The following PDE3B variants were observed in gnomAD, a reference collection of about 807,000 sequenced individuals.
PDE3B encodes the protein cGMP-inhibited 3',5'-cyclic phosphodiesterase 3B.
In PDE3B, 66 loss-of-function variants were observed where a neutral mutation model predicts 116.8. The observed-to-expected ratio is 0.56, with a 90% CI of 0.46 to 0.69. The LOEUF (loss-of-function observed/expected upper bound fraction) is 0.69, where lower values mean the gene tolerates loss of function less well. Ranked by LOEUF, PDE3B falls within the 30% of genes least tolerant of loss-of-function variation. The pLI is 0.00. For synonymous variants in PDE3B, 595 were observed against 533.6 expected, an observed-to-expected ratio of 1.12 and a Z score of -1.59; for missense variants, 1,384 against 1,368.1, an observed-to-expected ratio of 1.01 and a Z score of -0.18.
At chr11:14,803,877 C>T in intron 4 of PDE3B, 67 bp from the exon 5 acceptor site, 3 of 886,626 alleles carry the variant, frequency 3.4e-6, no homozygotes, top group South Asian at 1.4e-5. Flanking sequence ...AAATTGAGAA[C>T]CATGAGGAAA....
chr11:14,840,291 AAGC>A (rs1237358930), intron 11 of PDE3B, among the ~76,000 whole-genome samples: 1 of 152,182 alleles, frequency 6.6e-6, no homozygotes, highest in African/African-American at 2.4e-5. Context: ...CTTTCTGTAA[AAGC>A]AGCTAAATTG....
chr11:14,715,035 A>T (rs943803220), intron 1 of PDE3B, among the ~76,000 whole-genome samples: 12 of 152,170 alleles, frequency 7.9e-5, no homozygotes, highest in Non-Finnish European at 1.6e-4. Flanking sequence ...TTATTAATTA[A>T]TTGTTTATGT....
intron 1 of PDE3B, among the ~76,000 whole-genome samples, chr11:14,756,014 A>G (rs1015172695): frequency 6.6e-6 from 1 of 152,200 alleles, no homozygotes. Flanking sequence ...ATTTACTCCA[A>G]CTTAACCCAT....
chr11:14,745,656 A>G (rs1041250123), intron 1 of PDE3B, among the ~76,000 whole-genome samples: 1 of 152,000 alleles, frequency 6.6e-6, no homozygotes, highest in Non-Finnish European at 1.5e-5. Context: ...TTTATTATGT[A>G]TATTTTTTTT....
At chr11:14,845,204 C>A (rs1297082842) in intron 12 of PDE3B, among the ~76,000 whole-genome samples, 2 of 152,014 alleles carry the variant, frequency 1.3e-5, no homozygotes, top group Non-Finnish European at 2.9e-5. Flanking sequence ...TCTGCAGCCA[C>A]CGCTGCTGGT....
chr11:14,718,988 T>C, intron 1 of PDE3B, among the ~76,000 whole-genome samples: 3 of 106,478 alleles, frequency 2.8e-5, no homozygotes, highest in African/African-American at 7.7e-5. Context: ...CAGGAGCTGG[T>C]TTTTTGAAAG....
intron 7 of PDE3B, among the ~76,000 whole-genome samples, chr11:14,823,875 C>T (rs899634075): frequency 6.6e-6 from 1 of 152,176 alleles, no homozygotes; most frequent in Non-Finnish European, 1.5e-5. Flanking sequence ...CAGCTCCCCT[C>T]ACCTCCAGGC....
chr11:14,664,793 A>T (rs927232775), intron 1 of PDE3B, among the ~76,000 whole-genome samples: 5 of 152,218 alleles, frequency 3.3e-5, no homozygotes, highest in African/African-American at 1.2e-4. Flanking sequence ...CCAACCAAAA[A>T]GAGTCCAGGA....
At chr11:14,728,357 T>A (rs1856372337) in intron 1 of PDE3B, among the ~76,000 whole-genome samples, 1 of 152,066 alleles carries the variant, frequency 6.6e-6, no homozygotes, top group Admixed American at 6.5e-5. Context: ...TGTGGAGAAA[T>A]TTTGAAAACC....
chr11:14,856,181 T>C (rs1174872256), intron 12 of PDE3B, among the ~76,000 whole-genome samples: 1 of 152,198 alleles, frequency 6.6e-6, no homozygotes, highest in Admixed American at 6.5e-5. Context: ...GTGCTCTCTC[T>C]CCCTCTCCTG....
At chr11:14,855,797 A>C (rs1355162660) in intron 12 of PDE3B, among the ~76,000 whole-genome samples, 1 of 152,196 alleles carries the variant, frequency 6.6e-6, no homozygotes, top group Non-Finnish European at 1.5e-5. Context: ...ATTATTTTCA[A>C]GTTAGAGTTC....
chr11:14,751,844 C>T (rs1363542325), intron 1 of PDE3B, among the ~76,000 whole-genome samples: 1 of 152,154 alleles, frequency 6.6e-6, no homozygotes, highest in Non-Finnish European at 1.5e-5. Context: ...TTCCCTCCAT[C>T]CCTTAACCTG....
intron 3 of PDE3B, 48 bp from the exon 4 acceptor site, chr11:14,789,058 A>G (rs1590146087): frequency 2.2e-6 from 3 of 1,361,904 alleles, no homozygotes; most frequent in Non-Finnish European, 3.1e-6. Flanking sequence ...TTACATATAT[A>G]GCATATTAAA....
chr11:14,887,510 G>T, the PDE3B span: 1 of 806,516 alleles, frequency 1.2e-6, no homozygotes, highest in Non-Finnish European at 1.5e-6. Flanking sequence ...TTTGATCTAT[G>T]GAAGGGTACA....
At chr11:14,892,191 C>A in the PDE3B span, 1 of 1,610,254 alleles carries the variant, frequency 6.2e-7, no homozygotes, top group Non-Finnish European at 8.5e-7. Flanking sequence ...CTTCAGCTCT[C>A]CAAAGCTTCC....
intron 4 of PDE3B, among the ~76,000 whole-genome samples, chr11:14,798,469 T>G (rs1858630017): frequency 6.6e-6 from 1 of 152,208 alleles, no homozygotes; most frequent in Non-Finnish European, 1.5e-5. Context: ...GAAGATTTCC[T>G]TTTTTTCTAT....
At chr11:14,658,995 A>G (rs1235983169) in intron 1 of PDE3B, among the ~76,000 whole-genome samples, 1 of 152,208 alleles carries the variant, frequency 6.6e-6, no homozygotes, top group Non-Finnish European at 1.5e-5. Flanking sequence ...TAGTTGATAC[A>G]TAATACTCAT....
chr11:14,704,258 A>G (rs1855463962), intron 1 of PDE3B, among the ~76,000 whole-genome samples: 1 of 151,736 alleles, frequency 6.6e-6, no homozygotes, highest in Non-Finnish European at 1.5e-5. Flanking sequence ...AATAAAGCCT[A>G]TTGATTTAAT....
chr11:14,725,603 C>T (rs917643781), intron 1 of PDE3B, among the ~76,000 whole-genome samples: 1 of 128,456 alleles, frequency 7.8e-6, no homozygotes, highest in Non-Finnish European at 1.6e-5. Context: ...CCTCCCCTCC[C>T]CTCTCCTGTT....
Sources: gnomAD v4.1 joint callset for allele counts (sites outside exome capture counted in the v4.1 genomes callset) on GRCh38, gnomAD v4.1.1 for gene constraint, MANE v1.5 for transcripts, NCBI Gene and HGNC (gene_info 2026-07-23, HGNC 2026-07-21) for gene names.